Variants in CNTN5 observed in about 807,000 individuals in gnomAD.
CNTN5 encodes the protein contactin 5, also known as contactin-5.
CNTN5 carries 77 observed loss-of-function variants against 129.1 expected under a neutral mutation model. The observed-to-expected ratio is 0.60, with a 90% CI of 0.50 to 0.72. The LOEUF is 0.72. Among genes scored for constraint, CNTN5 ranks in the 30% least tolerant of loss-of-function variants. The pLI, the probability that CNTN5 is intolerant of heterozygous loss-of-function variation, is 0.00. For missense variants in CNTN5, 1,478 were observed against 1,328.8 expected, an observed-to-expected ratio of 1.11 and a Z score of -1.75; for synonymous variants, 509 against 465.6, an observed-to-expected ratio of 1.09 and a Z score of -1.20.
chr11:99,564,902 T>G (rs1483122955), intron 3 of CNTN5, among the ~76,000 whole-genome samples: 3 of 152,154 alleles, frequency 2.0e-5, no homozygotes, highest in African/African-American at 7.2e-5. Flanking sequence ...AAACTAAAAT[T>G]TTATGTTCCT....
intron 6 of CNTN5, among the ~76,000 whole-genome samples, chr11:99,854,599 A>G (rs1412648507): frequency 6.6e-6 from 1 of 152,320 alleles, no homozygotes; most frequent in East Asian, 1.9e-4. Flanking sequence ...ATTCTATTGA[A>G]CAATTTATAA....
At chr11:99,782,076 C>A (rs2135391097) in intron 3 of CNTN5, among the ~76,000 whole-genome samples, 1 of 151,172 alleles carries the variant, frequency 6.6e-6, no homozygotes, top group Non-Finnish European at 1.5e-5. Context: ...ATCTAGAAAA[C>A]CCCATCGTCT....
At chr11:99,768,393 A>T (rs1322091357) in intron 3 of CNTN5, among the ~76,000 whole-genome samples, 1 of 152,136 alleles carries the variant, frequency 6.6e-6, no homozygotes, top group Non-Finnish European at 1.5e-5. Flanking sequence ...CAACATTATA[A>T]TACGCGAAGT....
At chr11:99,897,235 G>C (rs146485530) in intron 6 of CNTN5, among the ~76,000 whole-genome samples, 2 of 152,270 alleles carry the variant, frequency 1.3e-5, no homozygotes, top group East Asian at 3.9e-4. Context: ...GAAAACATTT[G>C]AGAGGATAAA....
intron 9 of CNTN5, among the ~76,000 whole-genome samples, chr11:100,013,090 A>G (rs967567570): frequency 3.3e-5 from 5 of 152,176 alleles, no homozygotes; most frequent in African/African-American, 1.2e-4. Flanking sequence ...CTCAGAAACA[A>G]AGAGAAATAC....
At chr11:99,206,359 T>C (rs557331431) in intron 1 of CNTN5, among the ~76,000 whole-genome samples, 38 of 152,204 alleles carry the variant, frequency 2.5e-4, no homozygotes, top group African/African-American at 8.7e-4. Flanking sequence ...ATTAGGATGA[T>C]TCTTCCCATA....
rs556809366 is a variant in CNTN5, at chr11:99,822,786, C to A, written c.277+3021C>A. On this transcript the variant is annotated intron_variant, in intron 4 of 24. Transcript: ENST00000524871. ...TTGGCATTTACAATGTAATCTCTCA[C>A]TTTATCTGTTGGCTATGGCTATTAA... Among the ~76,000 whole-genome samples the A allele has an allele frequency of 4.6e-5, 7 of 152,348 alleles. No individual in the cohort carries two copies. In the East Asian group the frequency reaches 1.3e-3, roughly 29 times the overall value.
chr11:100,125,676 T>C (rs1296836406), intron 13 of CNTN5, among the ~76,000 whole-genome samples: 3 of 152,236 alleles, frequency 2.0e-5, no homozygotes, highest in Non-Finnish European at 2.9e-5. Context: ...TTTGGATATA[T>C]ACCCAGTAAT....
chr11:99,647,087 G>A (rs1951992966), intron 3 of CNTN5, among the ~76,000 whole-genome samples: 1 of 151,996 alleles, frequency 6.6e-6, no homozygotes, highest in Non-Finnish European at 1.5e-5. Context: ...TGAGGTCTTA[G>A]TCATCACATC....
intron 3 of CNTN5, among the ~76,000 whole-genome samples, chr11:99,743,470 G>A (rs939956443): frequency 4.6e-5 from 7 of 152,096 alleles, no homozygotes; most frequent in Admixed American, 2.0e-4. Context: ...ACTGTGTGTC[G>A]CCTGAACAAG....
intron 9 of CNTN5, among the ~76,000 whole-genome samples, chr11:100,039,952 G>C (rs1193999001): frequency 3.3e-5 from 5 of 152,240 alleles, no homozygotes; most frequent in South Asian, 2.1e-4. Context: ...ATTGTCTGAA[G>C]CCGTCTTCTC....
chr11:99,999,337 G>C (rs2137458969), intron 8 of CNTN5, among the ~76,000 whole-genome samples: 1 of 152,312 alleles, frequency 6.6e-6, no homozygotes, highest in South Asian at 2.1e-4. Context: ...CCATCAAAAA[G>C]TGGGCGAAGG....
At chr11:100,221,480 T>C (rs1378687730) in intron 15 of CNTN5, among the ~76,000 whole-genome samples, 1 of 152,162 alleles carries the variant, frequency 6.6e-6, no homozygotes, top group Non-Finnish European at 1.5e-5. Context: ...TAAGAAAGAA[T>C]TCGACTTGGG....
At chr11:100,111,198 A>T (rs951412715) in intron 13 of CNTN5, among the ~76,000 whole-genome samples, 1 of 152,134 alleles carries the variant, frequency 6.6e-6, no homozygotes, top group Non-Finnish European at 1.5e-5. Context: ...GAAAGGTTAG[A>T]CTAACCTTTT....
At chr11:99,948,731 G>C (rs547642623) in intron 7 of CNTN5, among the ~76,000 whole-genome samples, 2 of 152,220 alleles carry the variant, frequency 1.3e-5, no homozygotes, top group South Asian at 4.1e-4. Flanking sequence ...AATATACATA[G>C]AGCACACTGC....
At chr11:100,200,672 T>C (rs1948756315) in intron 15 of CNTN5, among the ~76,000 whole-genome samples, 1 of 151,908 alleles carries the variant, frequency 6.6e-6, no homozygotes, top group African/African-American at 2.4e-5. Context: ...CCTTGGATTC[T>C]GTAATCTCTG....
At chr11:99,506,712 T>C (rs1553518) in intron 2 of CNTN5, among the ~76,000 whole-genome samples, 149,546 of 152,264 alleles carry the variant, frequency 0.98, 73,511 homozygotes, top group East Asian at 1. Context: ...CCAGTAGTTC[T>C]AAATACTGTT....
intron 1 of CNTN5, among the ~76,000 whole-genome samples, chr11:99,292,405 T>C (rs535908158): frequency 1.4e-4 from 22 of 152,184 alleles, no homozygotes; most frequent in East Asian, 1.9e-4. Flanking sequence ...AGACCACTTA[T>C]GTGTAAGAAA....
chr11:99,036,076 T>A (rs1863713072), intron 1 of CNTN5, among the ~76,000 whole-genome samples: 1 of 152,168 alleles, frequency 6.6e-6, no homozygotes, highest in African/African-American at 2.4e-5. Context: ...AATTCTTTTC[T>A]TTGAGAATGT....
Sources: allele counts gnomAD v4.1 joint callset (sites outside exome capture counted in the v4.1 genomes callset), GRCh38; gene constraint gnomAD v4.1.1; transcripts MANE v1.5; gene names NCBI Gene and HGNC (gene_info 2026-07-23, HGNC 2026-07-21).